Variants in FBXO17 observed in about 807,000 individuals in gnomAD.
FBXO17 encodes F-box only protein 17.
In FBXO17, 43 loss-of-function variants were observed where a neutral mutation model predicts 34.1. The ratio of observed to expected loss-of-function variants is 1.26; its 90% CI spans 0.99 to 1.62. The LOEUF (loss-of-function observed/expected upper bound fraction) is 1.62, where lower values mean the gene tolerates loss of function less well. Ranked by LOEUF, FBXO17 falls within the 40% of genes most tolerant of loss-of-function variation. The pLI is 0.00. For missense variants in FBXO17, 424 were observed against 386.7 expected, an observed-to-expected ratio of 1.10 and a Z score of -0.81; for synonymous variants, 169 against 166.0, an observed-to-expected ratio of 1.02 and a Z score of -0.14.
Position 38,950,059 on chromosome 19 carries a change from G to A in FBXO17, c.261C>T (p.Asp87=). ...VAQRCLPSNE[D]KEEFPLCALA... ...GGGCGCACAGCGGGAACTCCTCCTT[G>A]TCTTCGTTGCTGGGCAGGCAGCGTT... The change falls in exon 2 of 6, where the codon GAC becomes GAT. Residue 87 remains aspartate, a synonymous_variant. Transcript: ENST00000292852. The A allele has an allele frequency of 6.4e-7, 1 of 1,568,990 alleles. No homozygotes were observed. Among genetic ancestry groups the A allele is most frequent in the South Asian group, 1.2e-5 (1 of 85,546 alleles).
chr19:38,954,884 C>T (rs11669212), intron 1 of FBXO17, among the ~76,000 whole-genome samples: 2 of 145,900 alleles, frequency 1.4e-5, no homozygotes, highest in African/African-American at 5.0e-5. Flanking sequence ...CCTGCCCTGA[C>T]AATGTGTTAT....
chr19:38,958,166 C>T (rs1038708593), intron 1 of FBXO17, among the ~76,000 whole-genome samples: 2 of 150,686 alleles, frequency 1.3e-5, no homozygotes, highest in Non-Finnish European at 2.9e-5. Flanking sequence ...AATCTCAGCA[C>T]TTTGGGAGAC....
intron 5 of FBXO17, among the ~76,000 whole-genome samples, chr19:38,944,523 T>TA (rs1344748949): frequency 2.0e-5 from 3 of 152,132 alleles, no homozygotes; most frequent in Non-Finnish European, 4.4e-5. Context: ...GGATTACAGG[T>TA]ATGAGCCACT....
chr19:38,945,527 G>C (rs1974967172), intron 4 of FBXO17: 1 of 136,310 alleles, frequency 7.3e-6, no homozygotes, highest in Admixed American at 8.6e-5. Flanking sequence ...TGGTCCTGGG[G>C]TGGAGCCAGA....
chr19:38,954,578 GTTT>G (rs1026579584), intron 1 of FBXO17, among the ~76,000 whole-genome samples: 1 of 93,522 alleles, frequency 1.1e-5, no homozygotes, highest in Non-Finnish European at 2.3e-5. Context: ...CCGAGAATGT[GTTT>G]TTTTTTTTTT....
chr19:38,955,798 T>C (rs1975159118), intron 1 of FBXO17, among the ~76,000 whole-genome samples: 1 of 152,108 alleles, frequency 6.6e-6, no homozygotes, highest in African/African-American at 2.4e-5. Flanking sequence ...CTCCACTTCT[T>C]GCTATAAATT....
At position 38,942,500 on chromosome 19, in the gene FBXO17, G is replaced by T; in HGVS notation, c.*108C>A. 8.2e-7 allele frequency: 1 copy of T among 1,213,148 alleles called. No individual in the cohort carries two copies. The highest frequency in any genetic ancestry group is 1.1e-6 in the Non-Finnish European group (1 of 910,402). The allele number at this position is 1,213,148 out of a possible 1,614,324, so 75.1% of individuals were successfully genotyped here. ...TGGTCTTGAACTCCCGAGCTCCAGT[G>T]ATCCTCCCACCTCGGCCTCCTGAAG... is the stretch of plus-strand genomic sequence containing the variant. On this transcript the variant is annotated 3_prime_UTR_variant, in exon 6 of 6. Transcript: ENST00000292852.
rs1975449599 is a variant in FBXO17 at position 38,975,507 on chromosome 19, C to A, written c.-18+79G>T. On this transcript the variant is annotated intron_variant, in intron 1 of 5. Coordinates refer to ENST00000292852, the MANE Select transcript of FBXO17 (RefSeq NM_024907.7). The surrounding 1 kb of genome is among the most constrained non-coding windows in gnomAD (Gnocchi z 4.9). The stretch of plus-strand genomic sequence containing the variant: ...CAGGGCCTGGCGCGGGAATCCTTCC[C>A]GGGGCGCCCCAGCTGTGGGCGAGAA... 1 of 152,214 alleles carries A rather than the reference C, an allele frequency of 6.6e-6. No individual in the cohort carries two copies. Among genetic ancestry groups the A allele is most frequent in the African/African-American group, 2.4e-5 (1 of 41,442 alleles). The allele number at this position is 152,214 out of a possible 1,614,324, so 9.4% of individuals were successfully genotyped here.
At chr19:38,945,720 G>C (rs147139646) in intron 4 of FBXO17, 3 of 161,048 alleles carry the variant, frequency 1.9e-5, no homozygotes, top group Non-Finnish European at 3.7e-5. Context: ...TCCTGGGGTG[G>C]AACCAGAACC....
chr19:38,974,763 T>A (rs1975439245), intron 1 of FBXO17, among the ~76,000 whole-genome samples: 1 of 152,216 alleles, frequency 6.6e-6, no homozygotes, highest in African/African-American at 2.4e-5. Flanking sequence ...CTTCTTGCCA[T>A]TTTTGAAAAG....
intron 2 of FBXO17, 137 bp downstream of exon 2, chr19:38,949,834 G>T (rs1359984917): frequency 4.7e-5 from 52 of 1,103,566 alleles, no homozygotes; most frequent in South Asian, 1.2e-4. Context: ...CCCAGGCACT[G>T]CGTCCCTCAG....
In FBXO17 at chr19:38,949,837, T is replaced by A. The variant is rs1341423572; in HGVS notation, c.349+134A>T. ...CCGGGCCTACCGCCCAGGCACTGCG[T>A]CCCTCAGCCCCGCCCCCTGGCTCCT... is the stretch of plus-strand genomic sequence containing the variant. On this transcript the variant is annotated intron_variant, in intron 2 of 5. Transcript: ENST00000292852. 4.4e-6 allele frequency: 5 copies of A among 1,130,956 alleles called. No individual in the cohort carries two copies. In the African/African-American group the frequency reaches 6.6e-5, roughly 15 times the overall value. 70.1% of individuals were successfully genotyped at this position (1,130,956 alleles called of 1,614,324 possible).
chr19:38,966,273 A>T (rs1289493415), intron 1 of FBXO17, among the ~76,000 whole-genome samples: 1 of 147,452 alleles, frequency 6.8e-6, no homozygotes, highest in Admixed American at 6.8e-5. Context: ...CCCGGCCAAC[A>T]TTCTCTTAAA....
chr19:38,942,896 AC>A (rs1974914380), intron 5 of FBXO17, 145 bp from the exon 6 acceptor site: 1 of 981,582 alleles, frequency 1.0e-6, no homozygotes. Flanking sequence ...CCGGAAAAGG[AC>A]CCCGCCCTGG....
intron 1 of FBXO17, among the ~76,000 whole-genome samples, chr19:38,968,387 G>A (rs897816523): frequency 2.0e-5 from 3 of 151,392 alleles, no homozygotes; most frequent in Non-Finnish European, 4.4e-5. Flanking sequence ...TTGGGAGGCC[G>A]AGGTAGGAGG....
intron 1 of FBXO17, among the ~76,000 whole-genome samples, chr19:38,953,614 TC>T (rs1975119111): frequency 6.6e-6 from 1 of 151,930 alleles, no homozygotes; most frequent in Non-Finnish European, 1.5e-5. Flanking sequence ...TGAGCTGAGA[TC>T]GCACCACTGC....
intron 1 of FBXO17, among the ~76,000 whole-genome samples, chr19:38,970,446 G>T (rs962411828): frequency 2.0e-5 from 3 of 152,076 alleles, no homozygotes; most frequent in African/African-American, 4.8e-5. Context: ...GACCTCAAAT[G>T]ATCTGCCCAC....
At chr19:38,951,653 A>ATTTTT (rs578199067) in intron 1 of FBXO17, among the ~76,000 whole-genome samples, 8 of 129,292 alleles carry the variant, frequency 6.2e-5, no homozygotes, top group Admixed American at 4.7e-4. Context: ...TTGGCTTTCT[A>ATTTTT]TTTTTTTTTT....
At chr19:38,970,641 A>G (rs1975379725) in intron 1 of FBXO17, among the ~76,000 whole-genome samples, 1 of 152,166 alleles carries the variant, frequency 6.6e-6, no homozygotes, top group Admixed American at 6.6e-5. Context: ...TGGTGGCAGG[A>G]GCTGACTTGA....
Sources: allele counts gnomAD v4.1 joint callset (sites outside exome capture counted in the v4.1 genomes callset), GRCh38; gene constraint gnomAD v4.1.1; non-coding constraint Gnocchi (gnomAD v3.1); transcripts MANE v1.5; gene names NCBI Gene and HGNC (gene_info 2026-07-23, HGNC 2026-07-21).